The following TRIM2 variants were observed in gnomAD, a reference collection of about 807,000 sequenced individuals.
TRIM2 encodes the protein tripartite motif-containing protein 2.
In TRIM2, 20 loss-of-function variants were observed where a neutral mutation model predicts 75.2. The ratio of observed to expected loss-of-function variants is 0.27; its 90% CI spans 0.19 to 0.39. TRIM2 has a LOEUF of 0.39. Ranked by LOEUF, TRIM2 falls within the 10% of genes least tolerant of loss-of-function variation. The pLI, the probability that TRIM2 is intolerant of heterozygous loss-of-function variation, is 1.00. For missense variants in TRIM2, 660 were observed against 990.8 expected, an observed-to-expected ratio of 0.67 and a Z score of 4.48; for synonymous variants, 373 against 388.3, an observed-to-expected ratio of 0.96 and a Z score of 0.46.
chr4:153,160,463 G>A (rs1272110954), intron 1 of TRIM2, among the ~76,000 whole-genome samples: 8 of 152,140 alleles, frequency 5.3e-5, no homozygotes, highest in African/African-American at 1.9e-4. Flanking sequence ...TTAAAGAGAT[G>A]GGGACTCACT....
intron 1 of TRIM2, among the ~76,000 whole-genome samples, chr4:153,209,464 A>T (rs1451285154): frequency 1.3e-5 from 2 of 152,158 alleles, no homozygotes; most frequent in East Asian, 3.8e-4. Context: ...ATCCCTTATC[A>T]CACCTCCAGT....
intron 1 of TRIM2, among the ~76,000 whole-genome samples, chr4:153,209,405 G>A (rs1335607530): frequency 6.6e-6 from 1 of 152,154 alleles, no homozygotes; most frequent in Non-Finnish European, 1.5e-5. Flanking sequence ...GGCCCTGGGA[G>A]TTGTTTAGAT....
At chr4:153,180,826 C>T (rs1731983235) in intron 1 of TRIM2, among the ~76,000 whole-genome samples, 1 of 152,256 alleles carries the variant, frequency 6.6e-6, no homozygotes, top group Admixed American at 6.5e-5. Flanking sequence ...TAACACTCCT[C>T]TGCCAACTCC....
chr4:153,244,349 T>TTCTTCTTCTTCTTCTTCC (rs1560874169), intron 1 of TRIM2, among the ~76,000 whole-genome samples: 5 of 30,478 alleles, frequency 1.6e-4, no homozygotes, highest in Middle Eastern at 0.013. Flanking sequence ...CTTCTTCTTC[T>TTCTTCTTCTTCTTCTTCC]TCTTCCTCTT....
intron 11 of TRIM2, among the ~76,000 whole-genome samples, chr4:153,333,336 T>C (rs1771906617): frequency 6.6e-6 from 1 of 151,832 alleles, no homozygotes; most frequent in Non-Finnish European, 1.5e-5. Flanking sequence ...GAAAGGGGAG[T>C]AAGTAGCAAG....
chr4:153,230,443 A>G (rs879861829), intron 1 of TRIM2, among the ~76,000 whole-genome samples: 45 of 152,166 alleles, frequency 3.0e-4, no homozygotes, highest in Non-Finnish European at 7.3e-5. Context: ...CCACCTCCCC[A>G]AAGTGCTGGT....
chr4:153,198,286 T>C (rs538799942), intron 1 of TRIM2, among the ~76,000 whole-genome samples: 1 of 152,290 alleles, frequency 6.6e-6, no homozygotes, highest in East Asian at 1.9e-4. Context: ...AATTCCCGCA[T>C]GTTGTGGGAG....
At chr4:153,322,572 G>GT in intron 8 of TRIM2, 76 bp from the exon 9 acceptor site, 2 of 1,507,370 alleles carry the variant, frequency 1.3e-6, no homozygotes, top group Non-Finnish European at 1.8e-6. Flanking sequence ...CCAAAACAGT[G>GT]TTTATCTTCA....
At chr4:153,325,729 CA>C (rs1222190923) in intron 10 of TRIM2, among the ~76,000 whole-genome samples, 1 of 152,188 alleles carries the variant, frequency 6.6e-6, no homozygotes, top group African/African-American at 2.4e-5. Context: ...AGGTTCTGCC[CA>C]CTCCCAGCTG....
At chr4:153,309,790 A>AT (rs1469972422) in intron 6 of TRIM2, 4 of 151,894 alleles carry the variant, frequency 2.6e-5, no homozygotes, top group African/African-American at 9.7e-5. Flanking sequence ...TGCTCAGCTA[A>AT]TTTTTTGTAT....
At chr4:153,191,882 C>G (rs1733226224) in intron 1 of TRIM2, among the ~76,000 whole-genome samples, 1 of 152,174 alleles carries the variant, frequency 6.6e-6, no homozygotes, top group African/African-American at 2.4e-5. Flanking sequence ...AGCCTGTTTT[C>G]TTTGAGTTTG....
chr4:153,182,890 A>C (rs1384542999), intron 1 of TRIM2, among the ~76,000 whole-genome samples: 1 of 151,642 alleles, frequency 6.6e-6, no homozygotes, highest in Admixed American at 6.6e-5. Flanking sequence ...TTTCCCTGGG[A>C]CCCTCTATCC....
chr4:153,312,838 A>C (rs568958581), intron 6 of TRIM2, among the ~76,000 whole-genome samples: 186 of 152,220 alleles, frequency 1.2e-3, no homozygotes, highest in Admixed American at 2.6e-3. Context: ...ACCTTTGAAA[A>C]ATTATTTCTA....
At chr4:153,302,515 G>A (rs979483545) in intron 6 of TRIM2, among the ~76,000 whole-genome samples, 1 of 152,190 alleles carries the variant, frequency 6.6e-6, no homozygotes, top group African/African-American at 2.4e-5. Context: ...CTTTAATGAT[G>A]GGTAGGACTT....
chr4:153,335,869 C>T lies in TRIM2; in HGVS notation c.*903C>T. 1 of 985,820 alleles carries T rather than the reference C, an allele frequency of 1.0e-6. No homozygotes were observed. The highest frequency in any genetic ancestry group is 4.7e-5 in the South Asian group (1 of 21,288). The allele number at this position is 985,820 out of a possible 1,614,324, so 61.1% of individuals were successfully genotyped here. On this transcript the variant is annotated 3_prime_UTR_variant, in exon 12 of 12. Coordinates refer to ENST00000338700, the MANE Select transcript of TRIM2 (RefSeq NM_015271.5). ...CGAAAGCTTTACCTCCTGCAAATGTCAGCACATGTAGTAGGACACCAGTAT... is the reference window on the plus strand; with the variant it reads ...CGAAAGCTTTACCTCCTGCAAATGTTAGCACATGTAGTAGGACACCAGTAT...
rs556392063 is a variant in TRIM2, at chr4:153,297,477, G to A, written c.1510+1441G>A. Reference sequence around the variant, plus strand: ...TTATCAGAACTATTCTAAGTTCCAAGCTGAATGCCTGACATGTAGGAGGAG... The same window carrying A: ...TTATCAGAACTATTCTAAGTTCCAAACTGAATGCCTGACATGTAGGAGGAG... On this transcript the variant is annotated intron_variant, in intron 6 of 11. Transcript: ENST00000338700. Among the ~76,000 whole-genome samples the A allele has an allele frequency of 7.9e-5, 12 of 152,312 alleles. No homozygotes were observed. The South Asian group carries it at 2.5e-3, about 32-fold the overall frequency.
intron 1 of TRIM2, among the ~76,000 whole-genome samples, chr4:153,199,026 A>T (rs1734047946): frequency 6.6e-6 from 1 of 152,268 alleles, no homozygotes; most frequent in Non-Finnish European, 1.5e-5. Flanking sequence ...CTTTTCAAAG[A>T]ACACACATCT....
At chr4:153,260,696 C>CACACACACACACACACACA (rs1560902840) in intron 1 of TRIM2, among the ~76,000 whole-genome samples, 13 of 58,076 alleles carry the variant, frequency 2.2e-4, no homozygotes, top group African/African-American at 6.9e-4. Context: ...ACCCACCCCC[C>CACACACACACACACACACA]CCCCCACACA....
chr4:153,152,712 A>T (rs760199916), upstream of TRIM2: 1 of 152,026 alleles, frequency 6.6e-6, no homozygotes, highest in African/African-American at 2.4e-5. Flanking sequence ...TACGCTTTGC[A>T]TGGTGCGCAG....
Sources: gnomAD v4.1 joint callset for allele counts (sites outside exome capture counted in the v4.1 genomes callset) on GRCh38, gnomAD v4.1.1 for gene constraint, MANE v1.5 for transcripts, NCBI Gene and HGNC (gene_info 2026-07-23, HGNC 2026-07-21) for gene names.